Variants in HMGB1 observed in about 807,000 individuals in gnomAD.
HMGB1 encodes the protein high mobility group protein B1.
For synonymous variants in HMGB1, 81 were observed against 84.0 expected (o/e 0.96, Z 0.19); for missense variants, 79 against 253.5 (o/e 0.31, Z 4.67).
upstream of HMGB1, among the ~76,000 whole-genome samples, chr13:30,466,298 C>CT (rs937837580): frequency 6.6e-6 from 1 of 151,380 alleles, no homozygotes. Context: ...CACAGGTCTC[C>CT]CCCCCCCTTC....
intron 1 of HMGB1, among the ~76,000 whole-genome samples, chr13:30,478,600 A>G (rs1887152810): frequency 6.6e-6 from 1 of 152,244 alleles, no homozygotes; most frequent in Non-Finnish European, 1.5e-5. Flanking sequence ...GAATCCAGAA[A>G]AGACTGAAAG....
chr13:30,547,868 A>G (rs757726178), intron 1 of HMGB1, among the ~76,000 whole-genome samples: 54 of 152,324 alleles, frequency 3.5e-4, no homozygotes, highest in Non-Finnish European at 5.4e-4. Flanking sequence ...CAGTGAGCCA[A>G]GATTGTGCCA....
At chr13:30,538,848 A>C (rs1868722810) in intron 1 of HMGB1, among the ~76,000 whole-genome samples, 1 of 132,394 alleles carries the variant, frequency 7.6e-6, no homozygotes, top group Admixed American at 8.2e-5. Flanking sequence ...TTCGAAGATG[A>C]TACAAAGAAA....
At chr13:30,482,204 A>C (rs1887246508) in intron 1 of HMGB1, among the ~76,000 whole-genome samples, 1 of 152,128 alleles carries the variant, frequency 6.6e-6, no homozygotes, top group Admixed American at 6.5e-5. Flanking sequence ...CAACATTTTC[A>C]CTTAGGAAAG....
chr13:30,545,269 C>G (rs759828511), intron 1 of HMGB1, among the ~76,000 whole-genome samples: 3 of 151,738 alleles, frequency 2.0e-5, no homozygotes, highest in Non-Finnish European at 4.4e-5. Flanking sequence ...GACCCTATCT[C>G]AAAACAAAAC....
At chr13:30,464,142 CT>C (rs1886548517) in intron 1 of HMGB1, 1 of 843,236 alleles carries the variant, frequency 1.2e-6, no homozygotes, top group Non-Finnish European at 1.3e-6. Context: ...ATTATGGGAC[CT>C]TAAAAAAAAA....
chr13:30,482,785 T>G (rs1003035121), intron 1 of HMGB1, among the ~76,000 whole-genome samples: 1 of 143,640 alleles, frequency 7.0e-6, no homozygotes, highest in South Asian at 2.3e-4. Flanking sequence ...ACCAATTTTT[T>G]TTTTTGTTGT....
intron 1 of HMGB1, among the ~76,000 whole-genome samples, chr13:30,518,404 A>AT: frequency 6.6e-6 from 1 of 152,186 alleles, no homozygotes; most frequent in African/African-American, 2.4e-5. Context: ...ATTGTCTGTG[A>AT]TTTTCAAGAC....
In HMGB1 at chr13:30,456,780, G is replaced by GGA. The variant is rs1356201662; in HGVS notation, c.*4576_*4577insTC. 16 of 120,398 alleles carry GGA rather than the reference G, an allele frequency of 1.3e-4. No individual in the cohort carries two copies. Among genetic ancestry groups the GGA allele is most frequent in the African/African-American group, 6.1e-4 (15 of 24,566 alleles). The allele number at this position is 120,398 out of a possible 1,614,324, so 7.5% of individuals were successfully genotyped here. A position where few individuals can be genotyped will look rare whatever the true frequency, so the allele number is the denominator to read the frequency against. On this transcript the variant is annotated 3_prime_UTR_variant, in exon 5 of 5. Transcript: ENST00000341423. ...GTGGGCGGGGGGGGGGGGTGGTGGGGTGCAATTTATCAACATCTTCCAAAA... is the reference window on the plus strand; with the variant it reads ...GTGGGCGGGGGGGGGGGGTGGTGGGGGATGCAATTTATCAACATCTTCCAAAA...
intron 1 of HMGB1, among the ~76,000 whole-genome samples, chr13:30,594,127 C>T (rs532920487): frequency 3.9e-5 from 6 of 152,284 alleles, no homozygotes; most frequent in South Asian, 2.1e-4. Context: ...TCTACACACA[C>T]GTGTATTAGC....
At chr13:30,526,208 C>T (rs1888363224) in intron 1 of HMGB1, among the ~76,000 whole-genome samples, 1 of 152,026 alleles carries the variant, frequency 6.6e-6, no homozygotes, top group South Asian at 2.1e-4. Flanking sequence ...AGGCATGCAC[C>T]ACCATGTCTG....
Position 30,531,104 on chromosome 13 carries a change from A to C in HMGB1, c.-14-67410T>G, listed in dbSNP as rs188736546. 1.7e-3 allele frequency among the ~76,000 whole-genome samples: 264 copies of C among 152,336 alleles called. 2 individuals are homozygous for C. The highest frequency in any genetic ancestry group is 6.2e-3 in the African/African-American group (259 of 41,578). On this transcript the variant is annotated intron_variant, in intron 1 of 4. Transcript: ENST00000405805. ...TTGCATATGCACAGAAGCTGTGAAG[A>C]CCATACACTGAACCACTGCCATCTT...
At chr13:30,549,220 G>A (rs550264716) in intron 1 of HMGB1, among the ~76,000 whole-genome samples, 1 of 152,136 alleles carries the variant, frequency 6.6e-6, no homozygotes, top group Admixed American at 6.5e-5. Context: ...GAGGTCAAGG[G>A]TGCAGTGAGC....
chr13:30,462,436 A>G (rs1210275901), intron 4 of HMGB1, 102 bp downstream of exon 4: 1 of 894,192 alleles, frequency 1.1e-6, no homozygotes, highest in South Asian at 1.3e-5. Flanking sequence ...CACCATACTT[A>G]ATGTAGCTGT....
intron 1 of HMGB1, among the ~76,000 whole-genome samples, chr13:30,513,502 T>C (rs905232563): frequency 6.6e-6 from 1 of 152,218 alleles, no homozygotes; most frequent in Non-Finnish European, 1.5e-5. Context: ...TTCTAGGGCC[T>C]AGCATAAGGT....
At chr13:30,475,514 G>A in intron 1 of HMGB1, among the ~76,000 whole-genome samples, 2 of 147,662 alleles carry the variant, frequency 1.4e-5, no homozygotes, top group Non-Finnish European at 1.5e-5. Context: ...TGCCCGGTTT[G>A]AGACCATCTC....
At chr13:30,554,671 A>G in intron 1 of HMGB1, 1 of 771,766 alleles carries the variant, frequency 1.3e-6, no homozygotes, top group Non-Finnish European at 2.4e-6. Context: ...CAGTAAATGC[A>G]AGATACAATG....
intron 1 of HMGB1, among the ~76,000 whole-genome samples, chr13:30,492,345 A>T (rs1178173575): frequency 6.6e-6 from 1 of 151,018 alleles, no homozygotes; most frequent in Non-Finnish European, 1.5e-5. Flanking sequence ...TTCATACATT[A>T]AAAAAAAATG....
In HMGB1 at chr13:30,493,482, G is replaced by A. The variant is rs184384795; in HGVS notation, c.-14-29788C>T. Among the ~76,000 whole-genome samples the A allele has an allele frequency of 7.2e-3, 1,091 of 152,298 alleles. 6 individuals are homozygous for A. The highest frequency in any genetic ancestry group is 0.034 in the Middle Eastern group (10 of 294). On this transcript the variant is annotated intron_variant, in intron 1 of 4. Coordinates refer to the HMGB1 transcript ENST00000405805. The stretch of plus-strand genomic sequence containing the variant: ...GACAGGAATGTTCTGAACCTTGGTT[G>A]TGGTGGGTTCACAGATGTGTGCATT...
Sources: gnomAD v4.1 joint callset for allele counts (sites outside exome capture counted in the v4.1 genomes callset) on GRCh38, gnomAD v4.1.1 for gene constraint, MANE v1.5 for transcripts, NCBI Gene and HGNC (gene_info 2026-07-23, HGNC 2026-07-21) for gene names.